ANKFN1: variants seen among roughly 807,000 people sequenced by gnomAD.
ANKFN1 encodes the protein ankyrin repeat and fibronectin type-III domain-containing protein 1.
In ANKFN1, 74 loss-of-function variants were observed where a neutral mutation model predicts 108.7. The observed-to-expected ratio is 0.68, with a 90% CI of 0.56 to 0.83. ANKFN1 has a LOEUF of 0.83. Ranked by LOEUF, ANKFN1 falls within the 40% of genes least tolerant of loss-of-function variation. The pLI, the probability that ANKFN1 is intolerant of heterozygous loss-of-function variation, is 0.00. For missense variants in ANKFN1, 1,505 were observed against 1,382.3 expected, an observed-to-expected ratio of 1.09 and a Z score of -1.41; for synonymous variants, 547 against 516.2, an observed-to-expected ratio of 1.06 and a Z score of -0.81.
chr17:56,291,175 G>C (rs550103583), intron 3 of ANKFN1, among the ~76,000 whole-genome samples: 2 of 152,276 alleles, frequency 1.3e-5, no homozygotes, highest in East Asian at 3.9e-4. Flanking sequence ...ACATCTACAG[G>C]AGAATGTCAC....
intron 3 of ANKFN1, among the ~76,000 whole-genome samples, chr17:56,239,928 G>A (rs1917455663): frequency 6.6e-6 from 1 of 152,090 alleles, no homozygotes; most frequent in South Asian, 2.1e-4. Flanking sequence ...TTCGGGAGCT[G>A]TGAATAGAAA....
chr17:56,300,089 C>T (rs1364929472), intron 3 of ANKFN1, among the ~76,000 whole-genome samples: 2 of 152,154 alleles, frequency 1.3e-5, no homozygotes, highest in Admixed American at 1.3e-4. Flanking sequence ...TCATGGAGCT[C>T]CGTGTTTTCA....
intron 4 of ANKFN1, among the ~76,000 whole-genome samples, chr17:56,096,196 G>A (rs1410466464): frequency 1.3e-5 from 2 of 152,170 alleles, no homozygotes; most frequent in African/African-American, 4.8e-5. Context: ...CGTTTCCACA[G>A]GGCATAGCTC....
At chr17:56,239,725 G>A (rs1014504831) in intron 3 of ANKFN1, among the ~76,000 whole-genome samples, 8 of 151,954 alleles carry the variant, frequency 5.3e-5, no homozygotes, top group African/African-American at 9.7e-5. Context: ...AACCCACAAG[G>A]ATTTCTAAAC....
Position 56,385,600 on chromosome 17 carries a change from C to T in ANKFN1, c.910+10886C>T, listed in dbSNP as rs2047238558. On this transcript the variant is annotated intron_variant, in intron 8 of 20. Transcript: ENST00000682825. ...ACAATGGGCTAATATCCAGAATCTA[C>T]AATGAACTCAAACAAATTTACAAGA... Among the ~76,000 whole-genome samples, 3 of 152,278 alleles carry T rather than the reference C, an allele frequency of 2.0e-5. No homozygotes were observed. The South Asian group carries it at 6.2e-4, about 32-fold the overall frequency.
chr17:56,322,151 A>G (rs373816845), intron 3 of ANKFN1, among the ~76,000 whole-genome samples: 1 of 152,044 alleles, frequency 6.6e-6, no homozygotes, highest in Admixed American at 6.6e-5. Context: ...AAGAGCACAG[A>G]CCACAACCTG....
chr17:56,283,342 G>C (rs2044133416), intron 3 of ANKFN1, among the ~76,000 whole-genome samples: 1 of 151,988 alleles, frequency 6.6e-6, no homozygotes, highest in South Asian at 2.1e-4. Context: ...TTAAAGAAGT[G>C]AAAGTAGAAC....
intron 8 of ANKFN1, among the ~76,000 whole-genome samples, chr17:56,439,919 G>GTA (rs2145156580): frequency 6.6e-6 from 1 of 152,044 alleles, no homozygotes; most frequent in African/African-American, 2.4e-5. Flanking sequence ...CTGAGTATGT[G>GTA]TGTGTATATT....
chr17:56,153,746 T>C (rs1297987701), intron 1 of ANKFN1: 4 of 637,714 alleles, frequency 6.3e-6, no homozygotes, highest in Non-Finnish European at 1.1e-5. Flanking sequence ...TCTTTGTCTT[T>C]TGGGAGGTGG....
intron 8 of ANKFN1, among the ~76,000 whole-genome samples, chr17:56,418,139 A>C (rs543048376): frequency 6.6e-6 from 1 of 152,352 alleles, no homozygotes; most frequent in African/African-American, 2.4e-5. Flanking sequence ...ATCCTTTTAA[A>C]TAAGACCTCC....
chr17:56,274,202 G>A lies in ANKFN1; in HGVS notation c.53+46245G>A, dbSNP rs74652645. Among the ~76,000 whole-genome samples, 40 of 152,328 alleles carry A rather than the reference G, an allele frequency of 2.6e-4. No homozygotes were observed. The East Asian group carries it at 7.5e-3, about 29-fold the overall frequency. ...GGGAGGAGTCAATGGATGCTGAGCA[G>A]CAAAAGTAATTCTACATCCCAGCAA... On this transcript the variant is annotated intron_variant, in intron 3 of 20. Transcript: ENST00000682825.
chr17:56,099,155 T>C (rs1905592294), intron 4 of ANKFN1, among the ~76,000 whole-genome samples: 1 of 152,162 alleles, frequency 6.6e-6, no homozygotes. Context: ...GAGCAATGGA[T>C]TAAGGGGAGA....
At chr17:56,094,016 G>T (rs972705090) in intron 4 of ANKFN1, among the ~76,000 whole-genome samples, 9 of 151,318 alleles carry the variant, frequency 5.9e-5, no homozygotes, top group African/African-American at 2.2e-4. Context: ...AATTTGGACA[G>T]GTACAGAGGA....
At chr17:56,226,524 A>G (rs1257538044) in intron 2 of ANKFN1, among the ~76,000 whole-genome samples, 1 of 152,196 alleles carries the variant, frequency 6.6e-6, no homozygotes, top group African/African-American at 2.4e-5. Context: ...TGGAGGAATG[A>G]AAATTGGAGA....
At chr17:56,365,064 C>T (rs1396224199) in intron 6 of ANKFN1, among the ~76,000 whole-genome samples, 3 of 152,194 alleles carry the variant, frequency 2.0e-5, no homozygotes, top group African/African-American at 7.2e-5. Context: ...CCCTACATTA[C>T]TTTGCCATTC....
At chr17:56,425,579 C>T (rs2048537245) in intron 8 of ANKFN1, among the ~76,000 whole-genome samples, 1 of 152,184 alleles carries the variant, frequency 6.6e-6, no homozygotes, top group Non-Finnish European at 1.5e-5. Flanking sequence ...CCCATCTCAC[C>T]TCATCTCTTC....
chr17:56,319,303 G>A (rs2045296537), intron 3 of ANKFN1, among the ~76,000 whole-genome samples: 1 of 152,136 alleles, frequency 6.6e-6, no homozygotes, highest in Non-Finnish European at 1.5e-5. Context: ...TCTGATAAAT[G>A]TTCTATTTTT....
chr17:56,308,578 A>G (rs1000462364), intron 3 of ANKFN1, among the ~76,000 whole-genome samples: 2 of 151,978 alleles, frequency 1.3e-5, no homozygotes, highest in Admixed American at 6.6e-5. Flanking sequence ...TTTCTTGCTT[A>G]CTATTACTGA....
chr17:56,112,397 T>C lies in ANKFN1; in HGVS notation c.288+66072T>C, dbSNP rs546947235. ...ACTAAAATCAATTTTATCCAGACTC[T>C]GGTCTTTTCTTTTTTCTCCCATTTT... is the stretch of plus-strand genomic sequence containing the variant. On this transcript the variant is annotated intron_variant, in intron 4 of 12. Transcript: ENST00000635860. Among the ~76,000 whole-genome samples the C allele has an allele frequency of 1.1e-3, 168 of 152,148 alleles. 2 individuals carry two copies. The highest frequency in any genetic ancestry group is 3.9e-3 in the African/African-American group (162 of 41,532).
Sources: allele counts gnomAD v4.1 joint callset (sites outside exome capture counted in the v4.1 genomes callset), GRCh38; gene constraint gnomAD v4.1.1; transcripts MANE v1.5; gene names NCBI Gene and HGNC (gene_info 2026-07-23, HGNC 2026-07-21).